LMO7: variants seen among roughly 807,000 people sequenced by gnomAD.
LMO7 encodes the protein LIM domain 7, also known as LIM domain only protein 7.
In LMO7, 120 loss-of-function variants were observed where a neutral mutation model predicts 206.5. The observed-to-expected ratio is 0.58, with a 90% confidence interval of 0.50 to 0.68. The LOEUF (loss-of-function observed/expected upper bound fraction) is 0.68. Among genes scored for constraint, LMO7 ranks in the 30% least tolerant of loss-of-function variants. The pLI, the probability that LMO7 is intolerant of heterozygous loss-of-function variation, is 0.00. For synonymous variants in LMO7, 706 were observed against 681.5 expected (o/e 1.04, Z -0.56); for missense variants, 1,959 against 1,957.9 (o/e 1.00, Z -0.01).
At chr13:75,789,134 T>TC (rs1393289665) in intron 4 of LMO7, 2 of 152,020 alleles carry the variant, frequency 1.3e-5, no homozygotes, top group Non-Finnish European at 2.9e-5. Context: ...GGATAAATCT[T>TC]CCCCCGGGGA....
chr13:75,737,777 T>TA (rs1391839155), intron 3 of LMO7, among the ~76,000 whole-genome samples: 3,709 of 21,836 alleles, frequency 0.17, 271 homozygotes, highest in East Asian at 0.27. Flanking sequence ...TAAAATAAAA[T>TA]AAAATAAAAA....
chr13:75,850,780 C>T (rs776710493), intron 27 of LMO7, among the ~76,000 whole-genome samples: 14 of 151,644 alleles, frequency 9.2e-5, no homozygotes, highest in Non-Finnish European at 1.6e-4. Flanking sequence ...TTAGGGTTTA[C>T]AGGCCACATA....
chr13:75,834,432 T>G, intron 17 of LMO7, 45 bp downstream of exon 17: 8 of 1,407,724 alleles, frequency 5.7e-6, no homozygotes, highest in Non-Finnish European at 7.7e-6. Flanking sequence ...AACTGGGACC[T>G]GGCCGTTGGC....
chr13:75,745,887 G>A (rs923808902), intron 3 of LMO7, among the ~76,000 whole-genome samples: 1 of 152,204 alleles, frequency 6.6e-6, no homozygotes, highest in Non-Finnish European at 1.5e-5. Flanking sequence ...CTGCCTTAGA[G>A]AGTGAACTAT....
intron 3 of LMO7, among the ~76,000 whole-genome samples, chr13:75,746,088 T>G (rs2046815175): frequency 6.6e-6 from 1 of 152,190 alleles, no homozygotes; most frequent in South Asian, 2.1e-4. Flanking sequence ...TAGTCAAATT[T>G]TCCACGTTTT....
At chr13:75,735,564 C>T (rs190203790) in intron 3 of LMO7, among the ~76,000 whole-genome samples, 216 of 152,052 alleles carry the variant, frequency 1.4e-3, no homozygotes, top group African/African-American at 5.0e-3. Flanking sequence ...TGGGTTGAAG[C>T]GATTCCCCTG....
intron 1 of LMO7, among the ~76,000 whole-genome samples, chr13:75,711,126 G>C (rs1369618071): frequency 6.6e-6 from 1 of 152,204 alleles, no homozygotes; most frequent in African/African-American, 2.4e-5. Context: ...TGTTGAACCA[G>C]CCTTGCATCC....
chr13:75,631,548 G>A (rs1426061072), upstream of LMO7: 1 of 14,710 alleles, frequency 6.8e-5, no homozygotes, highest in Non-Finnish European at 1.3e-3. Context: ...GAAGAAGCAG[G>A]GGTGGGTGAG....
intron 1 of LMO7, 31 bp from the exon 2 acceptor site, chr13:75,713,151 G>A (rs2043257293): frequency 1.3e-6 from 2 of 1,563,948 alleles, no homozygotes; most frequent in South Asian, 1.1e-5. Context: ...CCCTGCTTAA[G>A]AGAAAATTAA....
At chr13:75,688,527 A>G (rs1311892941) in intron 1 of LMO7, 1 of 152,386 alleles carries the variant, frequency 6.6e-6, no homozygotes, top group African/African-American at 2.4e-5. Context: ...GAGCCTATCA[A>G]TGTATTGAAG....
chr13:75,823,130 A>G (rs572033711), intron 14 of LMO7, among the ~76,000 whole-genome samples: 48 of 152,240 alleles, frequency 3.2e-4, no homozygotes, highest in African/African-American at 1.1e-3. Flanking sequence ...CACTCCCCAG[A>G]TCTTACATGG....
At chr13:75,818,766 G>T (rs991611431) in intron 12 of LMO7, among the ~76,000 whole-genome samples, 1 of 152,156 alleles carries the variant, frequency 6.6e-6, no homozygotes, top group African/African-American at 2.4e-5. Context: ...AGGTGGAACC[G>T]GACCCATGGT....
chr13:75,685,890 CTTTTT>C (rs551370410), intron 1 of LMO7, among the ~76,000 whole-genome samples: 39 of 105,958 alleles, frequency 3.7e-4, no homozygotes, highest in African/African-American at 8.5e-4. Context: ...TTTTCTTTCT[CTTTTT>C]TTTTTTTTTT....
intron 1 of LMO7, among the ~76,000 whole-genome samples, chr13:75,691,186 A>G (rs376746569): frequency 3.3e-5 from 5 of 152,302 alleles, no homozygotes; most frequent in African/African-American, 9.6e-5. Context: ...GTTTTTCACA[A>G]AGCTTTAAAA....
intron 1 of LMO7, among the ~76,000 whole-genome samples, chr13:75,686,376 C>G (rs554676005): frequency 1.5e-4 from 23 of 152,164 alleles, no homozygotes; most frequent in African/African-American, 4.8e-4. Context: ...ATCATCATCA[C>G]GAGAACAGCA....
chr13:75,663,428 C>CT (rs2038799562), intron 1 of LMO7, among the ~76,000 whole-genome samples: 2 of 91,830 alleles, frequency 2.2e-5, no homozygotes, highest in South Asian at 7.5e-4. Flanking sequence ...TTCTTTCTTT[C>CT]TTTCTTTTTT....
At chr13:75,793,742 A>T (rs1330158095) in intron 4 of LMO7, among the ~76,000 whole-genome samples, 1 of 152,210 alleles carries the variant, frequency 6.6e-6, no homozygotes, top group Non-Finnish European at 1.5e-5. Flanking sequence ...TTGGAAACTG[A>T]GCACACCTGA....
intron 15 of LMO7, among the ~76,000 whole-genome samples, chr13:75,829,031 G>A (rs1214435092): frequency 6.6e-6 from 1 of 152,054 alleles, no homozygotes; most frequent in South Asian, 2.1e-4. Context: ...AACAAGAGGT[G>A]GAAGAACAGG....
intron 2 of LMO7, among the ~76,000 whole-genome samples, chr13:75,717,184 A>G (rs1266823270): frequency 2.0e-5 from 3 of 151,960 alleles, no homozygotes; most frequent in Non-Finnish European, 4.4e-5. Context: ...TAACATGGCG[A>G]AACCCCGTCT....
Sources: gnomAD v4.1 joint callset for allele counts (sites outside exome capture counted in the v4.1 genomes callset) on GRCh38, gnomAD v4.1.1 for gene constraint, MANE v1.5 for transcripts, NCBI Gene and HGNC (gene_info 2026-07-23, HGNC 2026-07-21) for gene names.